Variants in ESRP2 observed in about 807,000 individuals in gnomAD.
ESRP2 encodes RNA binding motif protein 35A.
ESRP2 carries 48 observed loss-of-function variants against 78.6 expected under a neutral mutation model. The ratio of observed to expected loss-of-function variants is 0.61; its 90% CI spans 0.48 to 0.78. The LOEUF (loss-of-function observed/expected upper bound fraction) is 0.78. Ranked by LOEUF, ESRP2 falls within the 30% of genes least tolerant of loss-of-function variation. The pLI, the probability that ESRP2 is intolerant of heterozygous loss-of-function variation, is 0.00. For missense variants in ESRP2, 863 were observed against 965.9 expected, an observed-to-expected ratio of 0.89 and a Z score of 1.41; for synonymous variants, 383 against 406.7, an observed-to-expected ratio of 0.94 and a Z score of 0.70.
At position 68,235,369 on chromosome 16, in the gene ESRP2, G is replaced by A. The variant is rs1014094599; in HGVS notation, c.327+265C>T. ...CCTCGCTCCCCGGGCGGGAACTGGG[G>A]ATGGATCCCAAAGCCTGCGTCCCGA... On this transcript the variant is annotated intron_variant, in intron 2 of 14. Coordinates refer to ENST00000473183, the MANE Select transcript of ESRP2 (RefSeq NM_024939.3). This position sits in a 1 kb window ranked among gnomAD's most constrained non-coding sequence, Gnocchi z 5.5. 1.0e-6 allele frequency: 1 copy of A among 985,464 alleles called. No homozygotes were observed. Among genetic ancestry groups the A allele is most frequent in the Non-Finnish European group, 1.2e-6 (1 of 829,940 alleles). 61.0% of individuals were successfully genotyped at this position (985,464 alleles called of 1,614,324 possible).
chr16:68,233,109 G>T, intron 5 of ESRP2: 3 of 604,136 alleles, frequency 5.0e-6, no homozygotes, highest in Non-Finnish European at 8.7e-6. Flanking sequence ...TTAGACAGGA[G>T]AATCGCTTGA....
rs1653695350 is a variant in ESRP2, at chr16:68,229,908, A to T, written c.*318T>A. On this transcript the variant is annotated 3_prime_UTR_variant, in exon 15 of 15. Coordinates refer to ENST00000473183, the MANE Select transcript of ESRP2 (RefSeq NM_024939.3). ...CTGCCGTGGACCTGTCAGCCCCACG[A>T]TATCTGTCGGCATGGGCCACAGCCA... is the stretch of plus-strand genomic sequence containing the variant. 2.6e-6 allele frequency: 1 copy of T among 379,142 alleles called. No individual in the cohort carries two copies. Among genetic ancestry groups the T allele is most frequent in the Non-Finnish European group, 4.9e-6 (1 of 203,994 alleles). 23.5% of individuals were successfully genotyped at this position (379,142 alleles called of 1,614,324 possible). A position where few individuals can be genotyped will look rare whatever the true frequency, so the allele number is the denominator to read the frequency against.
chr16:68,233,720 T>C (rs775106498), intron 4 of ESRP2, 48 bp downstream of exon 4: 3 of 1,386,062 alleles, frequency 2.2e-6, no homozygotes, highest in East Asian at 2.3e-5. Context: ...CTCAGACACA[T>C]GTACCCACAG....
chr16:68,230,740 C>A, intron 13 of ESRP2, 101 bp downstream of exon 13: 1 of 1,500,388 alleles, frequency 6.7e-7, no homozygotes, highest in Non-Finnish European at 9.1e-7. Flanking sequence ...ACTCCCTTGT[C>A]ATCTCAAGGG....
At position 68,230,022 on chromosome 16, in the gene ESRP2, G is replaced by A. The variant is rs2042104922; in HGVS notation, c.*204C>T. On this transcript the variant is annotated 3_prime_UTR_variant, in exon 15 of 15. Transcript: ENST00000473183. ...TTAGCCCCATTCCACCCCCAGCCCTGCATGCAGGGTCCAGCCATTGTCTTT... is the reference window on the plus strand; with the variant it reads ...TTAGCCCCATTCCACCCCCAGCCCTACATGCAGGGTCCAGCCATTGTCTTT... 1 of 601,440 alleles carries A rather than the reference G, an allele frequency of 1.7e-6. No individual in the cohort carries two copies. Among genetic ancestry groups the A allele is most frequent in the African/African-American group, 1.9e-5 (1 of 54,046 alleles). 37.3% of individuals were successfully genotyped at this position (601,440 alleles called of 1,614,324 possible).
In ESRP2 at chr16:68,230,266, C is replaced by T. The variant is rs371553582; in HGVS notation, c.2114G>A (p.Arg705His). ...TSLMPVGDPP[R>H]TVLQAPKEWV... ...TTCCTTGGGGGCTTGTAACACAGTG[C>T]GAGGTGGGTCACCAACAGGCATCAG... The change falls in exon 15 of 15, where the codon CGC (arginine) becomes CAC (histidine). Residue 705 changes from arginine (R) to histidine (H), a missense_variant. Transcript: ENST00000473183. 9.9e-6 allele frequency: 16 copies of T among 1,614,200 alleles called. No homozygotes were observed. The highest frequency in any genetic ancestry group is 1.7e-5 in the Admixed American group (1 of 60,026).
At position 68,230,011 on chromosome 16, in the gene ESRP2, C is replaced by T. The variant is rs527972683; in HGVS notation, c.*215G>A. On this transcript the variant is annotated 3_prime_UTR_variant, in exon 15 of 15. Coordinates refer to ENST00000473183, the MANE Select transcript of ESRP2 (RefSeq NM_024939.3). ...TCAGGAGCTGGTTAGCCCCATTCCA[C>T]CCCCAGCCCTGCATGCAGGGTCCAG... 2.2e-5 allele frequency: 13 copies of T among 588,492 alleles called. No individual in the cohort carries two copies. Among genetic ancestry groups the T allele is most frequent in the Non-Finnish European group, 3.6e-5 (12 of 330,758 alleles). The allele number at this position is 588,492 out of a possible 1,614,324, so 36.5% of individuals were successfully genotyped here. A position where few individuals can be genotyped will look rare whatever the true frequency, so the allele number is the denominator to read the frequency against.
intron 5 of ESRP2, 166 bp downstream of exon 5, chr16:68,233,161 T>C (rs2042169703): frequency 1.6e-6 from 1 of 610,694 alleles, no homozygotes; most frequent in Admixed American, 3.0e-5. Flanking sequence ...ATTGTGCCAC[T>C]GCACTCTAGC....
Position 68,235,513 on chromosome 16 carries a change from G to A in ESRP2, c.327+121C>T. ...GAGAGTCGCTCAAAGTTTCAAACAA[G>A]AGCCCAGTCCTGCCGCCTGGACCGG... On this transcript the variant is annotated intron_variant, in intron 2 of 14. Transcript: ENST00000473183. This position sits in a 1 kb window ranked among gnomAD's most constrained non-coding sequence, Gnocchi z 5.5. 1 of 1,467,902 alleles carries A rather than the reference G, an allele frequency of 6.8e-7. No homozygotes were observed. The highest frequency in any genetic ancestry group is 9.0e-7 in the Non-Finnish European group (1 of 1,117,038). The allele number at this position is 1,467,902 out of a possible 1,614,324, so 90.9% of individuals were successfully genotyped here.
At position 68,232,374 on chromosome 16, in the gene ESRP2, A is replaced by G; in HGVS notation, c.951T>C (p.Ile317=). 1 of 1,613,994 alleles carries G rather than the reference A, an allele frequency of 6.2e-7. No individual in the cohort carries two copies. The change falls in exon 8 of 15, where the codon ATT becomes ATC. Residue 317 remains isoleucine (I), a synonymous_variant. Transcript: ENST00000473183. The surrounding 1 kb of genome is among the most constrained non-coding windows in gnomAD (Gnocchi z 5.2). ...RHKHHMGVRY[I]EVYKATGEEF... ...CGCTCCCAGCCCAAAGCCCCACCTCAATATAGCGGACGCCCATGTGGTGCT... is the reference window on the plus strand; with the variant it reads ...CGCTCCCAGCCCAAAGCCCCACCTCGATATAGCGGACGCCCATGTGGTGCT...
In ESRP2 at chr16:68,233,819, G is replaced by A; in HGVS notation, c.505C>T (p.His169Tyr). 6.2e-7 allele frequency: 1 copy of A among 1,614,110 alleles called. No individual in the cohort carries two copies. The highest frequency in any genetic ancestry group is 1.3e-5 in the African/African-American group (1 of 75,030). The change falls in exon 4 of 15, where the codon CAT becomes TAT. Residue 169 changes from histidine to tyrosine, a missense_variant. Coordinates refer to ENST00000473183, the MANE Select transcript of ESRP2 (RefSeq NM_024939.3). ...YDLRREFHMQ[H>Y]PSTCPARDLT... ...TCCCTGGCAGGGCAGGTGCTTGGAT[G>A]CTGCATATGGAATTCTCTTCGGAGG...
chr16:68,232,672 C>G lies in ESRP2; in HGVS notation c.726G>C (p.Val242=). 1.2e-6 allele frequency: 2 copies of G among 1,614,258 alleles called. No individual in the cohort carries two copies. Among genetic ancestry groups the G allele is most frequent in the Non-Finnish European group, 1.7e-6 (2 of 1,180,040 alleles). ...CCCGTACCACAGTCTCACTGTCCAC[C>G]ACATCAGCCTTGCTGCTGTAGGGGC... is the stretch of plus-strand genomic sequence containing the variant. ...YETGPCSKAD[V]VDSETVVRAR... The change falls in exon 7 of 15, where the codon GTG becomes GTC. Residue 242 remains valine (V), a synonymous_variant. Transcript: ENST00000473183. The surrounding 1 kb of genome is among the most constrained non-coding windows in gnomAD (Gnocchi z 5.2).
Position 68,235,301 on chromosome 16 carries a change from C to CT in ESRP2, c.327+332dup, listed in dbSNP as rs1216803379. 1.0e-6 allele frequency: 1 copy of CT among 985,092 alleles called. No homozygotes were observed. The highest frequency in any genetic ancestry group is 1.2e-6 in the Non-Finnish European group (1 of 829,884). The allele number at this position is 985,092 out of a possible 1,614,324, so 61.0% of individuals were successfully genotyped here. On this transcript the variant is annotated intron_variant, in intron 2 of 14. Coordinates refer to ENST00000473183, the MANE Select transcript of ESRP2 (RefSeq NM_024939.3). This position sits in a 1 kb window ranked among gnomAD's most constrained non-coding sequence, Gnocchi z 5.5. ...CGACCCCTTTCGCTTCCGGCTGCGG[C>CT]TCAGGGAGACCTGACCCAGCAGGTC... is the stretch of plus-strand genomic sequence containing the variant.
At position 68,230,407 on chromosome 16, in the gene ESRP2, G is replaced by A. The variant is rs369636981; in HGVS notation, c.2046C>T (p.Ser682=). The A allele has an allele frequency of 1.2e-5, 19 of 1,613,534 alleles. No individual in the cohort carries two copies. The East Asian group carries it at 1.8e-4, about 15-fold the overall frequency. Residue 682 remains serine, a synonymous_variant, in exon 14 of 15, where the codon AGC becomes AGT. Transcript: ENST00000473183. ...PYTAGMKDLL[S]VFQAYQLPAD... The stretch of plus-strand genomic sequence containing the variant: ...ATCTCACCTGGTAGGCCTGGAAGAC[G>A]CTGAGCAGATCCTTCATACCAGCCG...
At position 68,235,580 on chromosome 16, in the gene ESRP2, C is replaced by T. The variant is rs1834749685; in HGVS notation, c.327+54G>A. On this transcript the variant is annotated intron_variant, in intron 2 of 14. Coordinates refer to ENST00000473183, the MANE Select transcript of ESRP2 (RefSeq NM_024939.3). The surrounding 1 kb of genome is among the most constrained non-coding windows in gnomAD (Gnocchi z 5.5). ...AGGCCTAGCCTCCGGCCGCCAATCC[C>T]GCCCAGAAATGTCCTCACGTCCAGG... 1.3e-6 allele frequency: 2 copies of T among 1,589,768 alleles called. No individual in the cohort carries two copies. The highest frequency in any genetic ancestry group is 1.7e-6 in the Non-Finnish European group (2 of 1,176,272).
At position 68,235,318 on chromosome 16, in the gene ESRP2, C is replaced by T; in HGVS notation, c.327+316G>A. On this transcript the variant is annotated intron_variant, in intron 2 of 14. Transcript: ENST00000473183. This position sits in a 1 kb window ranked among gnomAD's most constrained non-coding sequence, Gnocchi z 5.5. ...GGCTGCGGCTCAGGGAGACCTGACC[C>T]AGCAGGTCTCCCAAAGGCGTCTCGG... is the stretch of plus-strand genomic sequence containing the variant. 1.0e-6 allele frequency: 1 copy of T among 985,428 alleles called. No homozygotes were observed. The highest frequency in any genetic ancestry group is 1.2e-6 in the Non-Finnish European group (1 of 829,922). 61.0% of individuals were successfully genotyped at this position (985,428 alleles called of 1,614,324 possible).
In ESRP2 at chr16:68,233,496, T is replaced by A. The variant is rs766626091; in HGVS notation, c.557-71A>T. 3.5e-6 allele frequency: 4 copies of A among 1,158,314 alleles called. No homozygotes were observed. The African/African-American group carries it at 6.0e-5, about 18-fold the overall frequency. 71.8% of individuals were successfully genotyped at this position (1,158,314 alleles called of 1,614,324 possible). On this transcript the variant is annotated intron_variant, in intron 4 of 14. Coordinates refer to ENST00000473183, the MANE Select transcript of ESRP2 (RefSeq NM_024939.3). Reference sequence around the variant, plus strand: ...AATCCTGTTTACTCCTGGGCCCAACTCCCCTCCATAGACACATGCTGGAGA... The same window carrying A: ...AATCCTGTTTACTCCTGGGCCCAACACCCCTCCATAGACACATGCTGGAGA...
rs1279437039 is a variant in ESRP2, at chr16:68,231,717, G to A, written c.1300-23C>T. 1.1e-5 allele frequency: 18 copies of A among 1,594,940 alleles called. No homozygotes were observed. Among genetic ancestry groups the A allele is most frequent in the Non-Finnish European group, 1.5e-5 (18 of 1,167,776 alleles). On this transcript the variant is annotated intron_variant, in intron 10 of 14. Coordinates refer to ENST00000473183, the MANE Select transcript of ESRP2 (RefSeq NM_024939.3). The surrounding 1 kb of genome is among the most constrained non-coding windows in gnomAD (Gnocchi z 6.0). ...GACCTAGTAAGGAAGGCAGCAACAG[G>A]CTGGTCATGCCAAGTAGGGCAGGGA...
chr16:68,233,577 C>T (rs2042177242), intron 4 of ESRP2, 152 bp from the exon 5 acceptor site: 1 of 741,056 alleles, frequency 1.3e-6, no homozygotes, highest in Admixed American at 2.1e-5. Context: ...GATTCCCAGT[C>T]CAGACATAGA....
Sources: gnomAD v4.1 joint callset for allele counts on GRCh38, gnomAD v4.1.1 for gene constraint, Gnocchi (gnomAD v3.1) non-coding constraint, MANE v1.5 for transcripts, NCBI Gene and HGNC (gene_info 2026-07-23, HGNC 2026-07-21) for gene names.